The following OTULINL variants were observed in gnomAD, a reference collection of about 807,000 sequenced individuals.
OTULINL encodes inactive ubiquitin thioesterase OTULINL.
In OTULINL, 42 loss-of-function variants were observed where a neutral mutation model predicts 43.9. That is an observed-to-expected ratio of 0.96 (90% confidence interval 0.75 to 1.24). The LOEUF is 1.24. Among genes scored for constraint, OTULINL ranks in the 50% most tolerant of loss-of-function variants. The pLI is 0.00. For missense variants in OTULINL, 411 were observed against 426.4 expected (o/e 0.96, Z 0.32); for synonymous variants, 172 against 153.6 (o/e 1.12, Z -0.88).
At chr5:14,592,103 C>T (rs994562456) in intron 1 of OTULINL, among the ~76,000 whole-genome samples, 3 of 152,128 alleles carry the variant, frequency 2.0e-5, no homozygotes, top group Admixed American at 2.0e-4. Flanking sequence ...TGACCCTTTT[C>T]AGAAGACTTA....
intron 1 of OTULINL, among the ~76,000 whole-genome samples, chr5:14,587,783 G>A (rs966936019): frequency 2.0e-5 from 3 of 152,214 alleles, no homozygotes; most frequent in Non-Finnish European, 2.9e-5. Context: ...GACTTGCAGA[G>A]TCTGTGCTTG....
chr5:14,608,016 G>A (rs1015158977), intron 6 of OTULINL, among the ~76,000 whole-genome samples: 1 of 152,128 alleles, frequency 6.6e-6, no homozygotes. Context: ...ATTCAATGAC[G>A]TAATACACAG....
intron 1 of OTULINL, among the ~76,000 whole-genome samples, chr5:14,585,456 C>T (rs754323229): frequency 3.3e-5 from 5 of 152,108 alleles, no homozygotes; most frequent in Non-Finnish European, 5.9e-5. Context: ...AGTATTTTAT[C>T]TCAGTAGAAA....
At chr5:14,607,767 T>C (rs1759507978) in intron 6 of OTULINL, among the ~76,000 whole-genome samples, 2 of 152,154 alleles carry the variant, frequency 1.3e-5, no homozygotes, top group Admixed American at 1.3e-4. Context: ...CCAGGCAAGG[T>C]GCTCAGAAAT....
chr5:14,597,489 A>G (rs1162345421), intron 1 of OTULINL, among the ~76,000 whole-genome samples: 2 of 152,220 alleles, frequency 1.3e-5, no homozygotes, highest in African/African-American at 4.8e-5. Context: ...TGCCTGCTCC[A>G]TGGCATGGTC....
In OTULINL at chr5:14,607,401, T is replaced by C. The variant is rs769558148; in HGVS notation, c.570T>C (p.Tyr190=). Residue 190 remains tyrosine, a synonymous_variant, in exon 6 of 8, where the codon TAT becomes TAC. Transcript: ENST00000274217. ...IQQYSFGPEK[Y]TGSNVFGKLR... ...AGTACAGTTTTGGTCCTGAGAAGTA[T>C]ACAGGCTCGAATGTGTTTGGAAAAC... The C allele has an allele frequency of 3.9e-5, 63 of 1,614,080 alleles. No homozygotes were observed. Among genetic ancestry groups the C allele is most frequent in the Middle Eastern group, 1.6e-4 (1 of 6,084 alleles).
intron 5 of OTULINL, among the ~76,000 whole-genome samples, chr5:14,606,315 G>T (rs1759475080): frequency 6.6e-6 from 1 of 152,156 alleles, no homozygotes; most frequent in Non-Finnish European, 1.5e-5. Context: ...CCACGATTCA[G>T]TCACCTCCCA....
rs557387941 is a variant in OTULINL, at chr5:14,607,698, C to T, written c.627+240C>T. The stretch of plus-strand genomic sequence containing the variant: ...TATAGGGTCGGGGGCTTCTATGGGC[C>T]GGCCTTTAAACCTTACCAATCATGT... On this transcript the variant is annotated intron_variant, in intron 6 of 7. Transcript: ENST00000274217. Among the ~76,000 whole-genome samples, 6 of 152,248 alleles carry T rather than the reference C, an allele frequency of 3.9e-5. No individual in the cohort carries two copies. The South Asian group carries it at 1.0e-3, about 26-fold the overall frequency.
rs199720349 is a variant in OTULINL at position 14,602,270 on chromosome 5, T to G, written c.436T>G (p.Phe146Val). 6.2e-7 allele frequency: 1 copy of G among 1,614,018 alleles called. No individual in the cohort carries two copies. The highest frequency in any genetic ancestry group is 1.3e-5 in the African/African-American group (1 of 75,066). The change falls in exon 5 of 8, where the codon TTT becomes GTT. Residue 146 changes from phenylalanine to valine, a missense_variant. Transcript: ENST00000274217. ...CTATGATGCTCTCAGATCAGTGTTA[T>G]TTCAGATATTCAGCCAGGGCATCTC... ...DNYDALRSVL[F>V]QIFSQGISFP...
At chr5:14,582,197 G>C (rs1180412179) in intron 1 of OTULINL, among the ~76,000 whole-genome samples, 1 of 152,072 alleles carries the variant, frequency 6.6e-6, no homozygotes, top group Non-Finnish European at 1.5e-5. Flanking sequence ...ACTTGAATAA[G>C]GGAGGCCAAG....
In OTULINL at chr5:14,611,880, ATAAAT is replaced by A. The variant is rs1388170543; in HGVS notation, c.*1571_*1575del. On this transcript the variant is annotated 3_prime_UTR_variant, in exon 8 of 8. Transcript: ENST00000274217. ...CCCAGATGTTCATATTATTTCTGCA[ATAAAT>A]TAAAAGGGAGTGTGTCAAATGCTGT... The A allele has an allele frequency of 4.6e-5, 7 of 152,318 alleles. No homozygotes were observed. The highest frequency in any genetic ancestry group is 1.7e-4 in the African/African-American group (7 of 41,562). 9.4% of individuals were successfully genotyped at this position (152,318 alleles called of 1,614,324 possible). A position where few individuals can be genotyped will look rare whatever the true frequency, so the allele number is the denominator to read the frequency against.
At chr5:14,600,941 T>A (rs1446145014) in intron 1 of OTULINL, 24 bp from the exon 2 acceptor site, 1 of 1,343,434 alleles carries the variant, frequency 7.4e-7, no homozygotes, top group Non-Finnish European at 9.5e-7. Flanking sequence ...GCTTTTTTTT[T>A]TTTTTTTTTT....
chr5:14,598,737 A>G (rs974731110), intron 1 of OTULINL, among the ~76,000 whole-genome samples: 1 of 152,212 alleles, frequency 6.6e-6, no homozygotes, highest in Non-Finnish European at 1.5e-5. Context: ...CAATGCTTAC[A>G]TTTAGGACAG....
chr5:14,596,851 G>T (rs1415550359), intron 1 of OTULINL, among the ~76,000 whole-genome samples: 1 of 152,114 alleles, frequency 6.6e-6, no homozygotes, highest in African/African-American at 2.4e-5. Context: ...TGGTGAGAGG[G>T]TATTAGCATG....
chr5:14,596,461 G>A (rs1040306299), intron 1 of OTULINL, among the ~76,000 whole-genome samples: 4 of 152,154 alleles, frequency 2.6e-5, no homozygotes, highest in Non-Finnish European at 5.9e-5. Flanking sequence ...TTATGACACT[G>A]TTTTGCAAGA....
chr5:14,582,262 C>T (rs1286880125), intron 1 of OTULINL, among the ~76,000 whole-genome samples: 2 of 151,928 alleles, frequency 1.3e-5, no homozygotes, highest in East Asian at 2.0e-4. Flanking sequence ...GAAAGCCGGT[C>T]TTTGGGGTCG....
chr5:14,589,192 T>C (rs1201621732), intron 1 of OTULINL, among the ~76,000 whole-genome samples: 1 of 152,070 alleles, frequency 6.6e-6, no homozygotes, highest in Non-Finnish European at 1.5e-5. Flanking sequence ...CAAACACAAT[T>C]GTGTAAACTG....
rs1759667571 is a variant in OTULINL at position 14,616,068 on chromosome 5, T to A, written c.*5754T>A. 6.6e-6 allele frequency among the ~76,000 whole-genome samples: 1 copy of A among 152,252 alleles called. No individual in the cohort carries two copies. Among genetic ancestry groups the A allele is most frequent in the African/African-American group, 2.4e-5 (1 of 41,474 alleles). ...CAGGTTGGTAGTTTTATAAATACGATAAAAATATAGCACCAAGATTAGATT... is the reference window on the plus strand; with the variant it reads ...CAGGTTGGTAGTTTTATAAATACGAAAAAAATATAGCACCAAGATTAGATT... On this transcript the variant is annotated 3_prime_UTR_variant, in exon 8 of 8. Coordinates refer to ENST00000274217, the MANE Select transcript of OTULINL (RefSeq NM_019018.3).
intron 1 of OTULINL, among the ~76,000 whole-genome samples, chr5:14,593,838 TGGG>T (rs1218623182): frequency 1.3e-5 from 2 of 152,156 alleles, no homozygotes; most frequent in African/African-American, 4.8e-5. Flanking sequence ...GTGGGCGCCT[TGGG>T]GGCAGTGTGC....
Sources: allele counts gnomAD v4.1 joint callset (sites outside exome capture counted in the v4.1 genomes callset), GRCh38; gene constraint gnomAD v4.1.1; transcripts MANE v1.5; gene names NCBI Gene and HGNC (gene_info 2026-07-23, HGNC 2026-07-21).